Variants in SLC26A2 observed in about 807,000 individuals in gnomAD.
SLC26A2 encodes sulfate transporter.
Under a neutral mutation model 41.1 loss-of-function variants are expected in SLC26A2, and 36 were observed. That is an observed-to-expected ratio of 0.88 (90% CI 0.67 to 1.16). The LOEUF (loss-of-function observed/expected upper bound fraction) is 1.16, where lower values mean the gene tolerates loss of function less well. Among genes scored for constraint, SLC26A2 ranks in the 50% most tolerant of loss-of-function variants. The probability of loss-of-function intolerance (pLI) is 0.00; values close to 1 mark genes in which losing one functional copy is unlikely to be tolerated. For missense variants in SLC26A2, 796 were observed against 869.6 expected (o/e 0.92, Z 1.07); for synonymous variants, 291 against 311.6 (o/e 0.93, Z 0.70).
chr5:149,972,989 A>G (rs1220141026), intron 1 of SLC26A2, among the ~76,000 whole-genome samples: 2 of 151,830 alleles, frequency 1.3e-5, no homozygotes, highest in Non-Finnish European at 2.9e-5. Context: ...ATCAGAGCCT[A>G]TGTTCAAATA....
rs1335035062 is a variant in SLC26A2, at chr5:149,980,675, C to T, written c.1082C>T (p.Ala361Val). The T allele has an allele frequency of 6.2e-7, 1 of 1,613,994 alleles. No homozygotes were observed. The highest frequency in any genetic ancestry group is 1.7e-5 in the Admixed American group (1 of 60,004). ...CATGAAAATTATAATTCTAGTATTGCTGGACATATTCCCACTGGGTTTATG... is the reference window on the plus strand; with the variant it reads ...CATGAAAATTATAATTCTAGTATTGTTGGACATATTCCCACTGGGTTTATG... ...KLHENYNSSI[A>V]GHIPTGFMPP... Residue 361 changes from alanine to valine, a missense_variant, in exon 3 of 3, where the codon GCT becomes GTT. Ala to Val is a moderately conservative substitution (Grantham distance 64). Transcript: ENST00000286298.
chr5:149,973,761 A>C (rs977145283), intron 1 of SLC26A2, among the ~76,000 whole-genome samples: 4 of 152,116 alleles, frequency 2.6e-5, no homozygotes, highest in Non-Finnish European at 4.4e-5. Flanking sequence ...CAGCCTCCCA[A>C]GTAGCTGGGA....
chr5:149,977,657 C>T lies in SLC26A2; in HGVS notation c.5C>T (p.Ser2Phe), dbSNP rs1238936538. ...CTGAACCATCTATCTCCAGAAATGT[C>T]TTCAGAAAGTAAAGAGCAACATAAC... is the stretch of plus-strand genomic sequence containing the variant. M[S>F]SESKEQHNVS... The change falls in exon 2 of 3, where the codon TCT (serine) becomes TTT (phenylalanine). Residue 2 changes from serine to phenylalanine, a missense_variant. Physicochemically the swap from Ser to Phe is radical, Grantham distance 155. Transcript: ENST00000286298. 5.0e-6 allele frequency: 8 copies of T among 1,611,268 alleles called. No individual in the cohort carries two copies. In the East Asian group the frequency reaches 1.8e-4, roughly 36 times the overall value.
At position 149,981,545 on chromosome 5, in the gene SLC26A2, T is replaced by C. The variant is rs754107971; in HGVS notation, c.1952T>C (p.Ile651Thr). ...CCCTTGGAGCTGCATACTATAGTGA[T>C]TGACTGCAGTGCAATTCAATTTTTA... ...HDPLELHTIV[I>T]DCSAIQFLDT... Residue 651 changes from isoleucine (I) to threonine (T), a missense_variant, in exon 3 of 3, where the codon ATT (isoleucine) becomes ACT (threonine). Transcript: ENST00000286298. The C allele has an allele frequency of 5.0e-6, 8 of 1,614,144 alleles. No homozygotes were observed. The highest frequency in any genetic ancestry group is 4.4e-5 in the South Asian group (4 of 91,076).
In SLC26A2 at chr5:149,979,685, TATA is replaced by T. The variant is rs559549272; in HGVS notation, c.700-607_700-605del. Among the ~76,000 whole-genome samples, 15 of 152,286 alleles carry T rather than the reference TATA, an allele frequency of 9.8e-5. No homozygotes were observed. In the East Asian group the frequency reaches 2.9e-3, roughly 29 times the overall value. On this transcript the variant is annotated intron_variant, in intron 2 of 2. Coordinates refer to ENST00000286298, the MANE Select transcript of SLC26A2 (RefSeq NM_000112.4). ...TGGGAGACAGTGTGGCATAAGTACA[TATA>T]TACTGCATGAGAATGGTTTCTTAGT...
chr5:149,966,688 T>C (rs1754811048), intron 1 of SLC26A2, among the ~76,000 whole-genome samples: 1 of 152,196 alleles, frequency 6.6e-6, no homozygotes, highest in Non-Finnish European at 1.5e-5. Context: ...AGCATTTCTT[T>C]TGAGCATCAT....
In SLC26A2 at chr5:149,980,303, G is replaced by T. The variant is rs1228615816; in HGVS notation, c.710G>T (p.Gly237Val). ...FIAGVYQVAMGFFQVGFVSVY... is the reference protein window; with the variant it reads ...FIAGVYQVAMVFFQVGFVSVY... ...TATCCTTCCTTCCAGGTAGCGATGG[G>T]CTTCTTTCAAGTGGGTTTTGTTTCT... The change falls in exon 3 of 3, where the codon GGC becomes GTC. Residue 237 changes from glycine (G) to valine (V), a missense_variant. Transcript: ENST00000286298. The T allele has an allele frequency of 6.2e-7, 1 of 1,613,800 alleles. No individual in the cohort carries two copies. Among genetic ancestry groups the T allele is most frequent in the East Asian group, 2.2e-5 (1 of 44,882 alleles).
chr5:149,974,135 G>A lies in SLC26A2; in HGVS notation c.-25-3493G>A, dbSNP rs192731228. ...CACTGCACTTCAGCCTGGGCAACAGGGCAAGACCCTATTTCTATAAAAGAT... is the reference window on the plus strand; with the variant it reads ...CACTGCACTTCAGCCTGGGCAACAGAGCAAGACCCTATTTCTATAAAAGAT... On this transcript the variant is annotated intron_variant, in intron 1 of 2. Coordinates refer to ENST00000286298, the MANE Select transcript of SLC26A2 (RefSeq NM_000112.4). Among the ~76,000 whole-genome samples the A allele has an allele frequency of 1.9e-3, 293 of 152,118 alleles. 1 individual carries two copies. Among genetic ancestry groups the A allele is most frequent in the African/African-American group, 6.8e-3 (281 of 41,502 alleles).
chr5:149,977,055 G>A (rs1755004332), intron 1 of SLC26A2, among the ~76,000 whole-genome samples: 1 of 152,194 alleles, frequency 6.6e-6, no homozygotes, highest in Admixed American at 6.5e-5. Flanking sequence ...TTCTGCCCTA[G>A]TTTCTTTTTA....
chr5:149,980,934 A>G lies in SLC26A2; in HGVS notation c.1341A>G (p.Glu447=). ...SAALAKTLVK[E]STGCHTQLSG... ...CTCTTGCAAAGACATTGGTTAAAGA[A>G]TCAACAGGCTGCCATACTCAGCTTT... The change falls in exon 3 of 3, where the codon GAA becomes GAG. Residue 447 remains glutamate (E), a synonymous_variant. Coordinates refer to ENST00000286298, the MANE Select transcript of SLC26A2 (RefSeq NM_000112.4). The G allele has an allele frequency of 6.2e-7, 1 of 1,614,164 alleles. No individual in the cohort carries two copies. Among genetic ancestry groups the G allele is most frequent in the Non-Finnish European group, 8.5e-7 (1 of 1,180,014 alleles).
intron 1 of SLC26A2, among the ~76,000 whole-genome samples, chr5:149,971,080 C>T (rs991144951): frequency 5.3e-5 from 8 of 152,132 alleles, no homozygotes; most frequent in Non-Finnish European, 7.4e-5. Context: ...GGTTGCAGGC[C>T]CATTTAACAC....
At position 149,987,294 on chromosome 5, in the gene SLC26A2, C is replaced by T. The variant is rs1755215651; in HGVS notation, c.*5481C>T. 2 of 152,116 alleles carry T rather than the reference C, an allele frequency of 1.3e-5. No individual in the cohort carries two copies. The highest frequency in any genetic ancestry group is 2.9e-5 in the Non-Finnish European group (2 of 68,028). The allele number at this position is 152,116 out of a possible 1,614,324, so 9.4% of individuals were successfully genotyped here. ...TTGGTTAATAGCAGATACTTTTCTT[C>T]TAGAAGCTTATGTTTTATGCTGTTT... is the stretch of plus-strand genomic sequence containing the variant. On this transcript the variant is annotated 3_prime_UTR_variant, in exon 3 of 3. Transcript: ENST00000286298.
intron 1 of SLC26A2, among the ~76,000 whole-genome samples, chr5:149,969,110 T>G (rs779882377): frequency 6.6e-6 from 1 of 152,188 alleles, no homozygotes; most frequent in Non-Finnish European, 1.5e-5. Flanking sequence ...CTTGGAAAAG[T>G]TTTTGTTAAA....
chr5:149,965,970 T>A (rs1342571175), intron 1 of SLC26A2, among the ~76,000 whole-genome samples: 1 of 152,208 alleles, frequency 6.6e-6, no homozygotes, highest in African/African-American at 2.4e-5. Flanking sequence ...AGTGGCGCAA[T>A]CTCAACTCAC....
Position 149,981,478 on chromosome 5 carries a change from G to A in SLC26A2, c.1885G>A (p.Gly629Ser). 6.2e-7 allele frequency: 1 copy of A among 1,614,096 alleles called. No individual in the cohort carries two copies. Among genetic ancestry groups the A allele is most frequent in the Non-Finnish European group, 8.5e-7 (1 of 1,179,976 alleles). Residue 629 changes from glycine to serine, a missense_variant, in exon 3 of 3, where the codon GGT becomes AGT. Physicochemically the swap from Gly to Ser is moderately conservative, Grantham distance 56. Coordinates refer to ENST00000286298, the MANE Select transcript of SLC26A2 (RefSeq NM_000112.4). ...GATCAAAGAAAAAGTAGTGACTCTT[G>A]GTGGAATCCAGGATGAAATGTCAGT... ...RKIKEKVVTL[G>S]GIQDEMSVQL...
intron 1 of SLC26A2, among the ~76,000 whole-genome samples, chr5:149,974,742 TGAGAAGGAGTTTTCCTCTTGC>T (rs1754963885): frequency 6.7e-6 from 1 of 148,916 alleles, no homozygotes; most frequent in Admixed American, 6.7e-5. Context: ...TTTTTTTTTT[TGAGAAGGAGTTTTCCTCTTGC>T]TGTCCAGACA....
Position 149,977,839 on chromosome 5 carries a change from G to C in SLC26A2, c.187G>C (p.Asp63His). 1 of 1,614,116 alleles carries C rather than the reference G, an allele frequency of 6.2e-7. No homozygotes were observed. The highest frequency in any genetic ancestry group is 8.5e-7 in the Non-Finnish European group (1 of 1,179,930). ...RILIERQEKS[D>H]TNFKEFVIKK... ...CCTTATTGAGCGTCAAGAGAAATCAGATACAAACTTCAAGGAGTTTGTTAT... is the reference window on the plus strand; with the variant it reads ...CCTTATTGAGCGTCAAGAGAAATCACATACAAACTTCAAGGAGTTTGTTAT... The change falls in exon 2 of 3, where the codon GAT (aspartate) becomes CAT (histidine). Residue 63 changes from aspartate (D) to histidine (H), a missense_variant. Physicochemically the swap from Asp to His is moderately conservative, Grantham distance 81. Coordinates refer to ENST00000286298, the MANE Select transcript of SLC26A2 (RefSeq NM_000112.4).
At chr5:149,963,641 C>T (rs1463022336) in intron 1 of SLC26A2, among the ~76,000 whole-genome samples, 1 of 151,916 alleles carries the variant, frequency 6.6e-6, no homozygotes, top group East Asian at 1.9e-4. Flanking sequence ...TCTCGAACTC[C>T]TGGCCTCAGG....
intron 1 of SLC26A2, 72 bp from the exon 2 acceptor site, chr5:149,977,556 A>G: frequency 1.2e-6 from 1 of 828,348 alleles, no homozygotes; most frequent in Non-Finnish European, 2.1e-6. Context: ...TGAAATGACA[A>G]ATAGAATTGT....
Sources: gnomAD v4.1 joint callset for allele counts (sites outside exome capture counted in the v4.1 genomes callset) on GRCh38, gnomAD v4.1.1 for gene constraint, MANE v1.5 for transcripts, NCBI Gene and HGNC (gene_info 2026-07-23, HGNC 2026-07-21) for gene names.